CATSPER3: variants seen among roughly 807,000 people sequenced by gnomAD.
The protein encoded by CATSPER3 is cation channel sperm associated 3, also known as cation channel sperm-associated protein 3.
In CATSPER3, 23 loss-of-function variants were observed where a neutral mutation model predicts 36.6. That is an observed-to-expected ratio of 0.63 (90% CI 0.45 to 0.89). The LOEUF (loss-of-function observed/expected upper bound fraction) is 0.89, where lower values mean the gene tolerates loss of function less well. Ranked by LOEUF, CATSPER3 falls within the 40% of genes least tolerant of loss-of-function variation. CATSPER3 has a pLI of 0.00. For missense variants in CATSPER3, 474 were observed against 503.9 expected (o/e 0.94, Z 0.57); for synonymous variants, 172 against 184.1 (o/e 0.93, Z 0.53).
chr5:134,968,971 T>C (rs140625023), intron 1 of CATSPER3: 7 of 152,336 alleles, frequency 4.6e-5, no homozygotes, highest in African/African-American at 1.4e-4. Context: ...GAGAATTTTG[T>C]ATCTTTGGTT....
chr5:135,007,805 C>CACA, intron 3 of CATSPER3, 152 bp from the exon 4 acceptor site: 4 of 47,930 alleles, frequency 8.3e-5, no homozygotes, highest in Non-Finnish European at 1.2e-4. Flanking sequence ...AACCAACCAA[C>CACA]CCACCCACCC....
chr5:134,969,801 T>C lies in CATSPER3; in HGVS notation c.99-138T>C. 4 of 868,552 alleles carry C rather than the reference T, an allele frequency of 4.6e-6. No homozygotes were observed. The South Asian group carries it at 5.5e-5, about 12-fold the overall frequency. 53.8% of individuals were successfully genotyped at this position (868,552 alleles called of 1,614,324 possible). ...CAGTGGTCATTTATTCAACATCTCA[T>C]TGCTATTTAAAAGTATATGTAAATT... On this transcript the variant is annotated intron_variant, in intron 1 of 7. Transcript: ENST00000282611.
chr5:134,994,578 T>A (rs1751920917), intron 2 of CATSPER3, among the ~76,000 whole-genome samples: 1 of 152,222 alleles, frequency 6.6e-6, no homozygotes, highest in Non-Finnish European at 1.5e-5. Context: ...ACTTTAGACA[T>A]GTGTACAATA....
At chr5:135,004,683 A>T (rs554929533) in intron 3 of CATSPER3, among the ~76,000 whole-genome samples, 1 of 152,262 alleles carries the variant, frequency 6.6e-6, no homozygotes, top group Admixed American at 6.5e-5. Flanking sequence ...ATCTTCCATA[A>T]AGATGTGGAA....
intron 1 of CATSPER3, chr5:134,969,698 A>C: frequency 1.9e-6 from 1 of 528,312 alleles, no homozygotes; most frequent in East Asian, 3.4e-5. Flanking sequence ...AGTGGTGACC[A>C]TTCTTTTTCA....
rs139923612 is a variant in CATSPER3 at position 134,996,426 on chromosome 5, G to A, written c.406G>A (p.Gly136Ser). 89 of 1,614,078 alleles carry A rather than the reference G, an allele frequency of 5.5e-5. No homozygotes were observed. The highest frequency in any genetic ancestry group is 7.2e-5 in the Non-Finnish European group (85 of 1,180,024). Residue 136 changes from glycine (G) to serine (S), a missense_variant, in exon 3 of 8, where the codon GGC becomes AGC. By Grantham distance (56) the Gly-to-Ser change is moderately conservative. Coordinates refer to ENST00000282611, the MANE Select transcript of CATSPER3 (RefSeq NM_178019.3). ...FLPYALRQLM[G>S]KQFTYLYIAD... ...ACCCTATGCCCTCCGCCAGCTCATG[G>A]GCAAACAGTTCACTTACCTGTATAT...
chr5:134,972,832 A>C (rs1291121701), intron 2 of CATSPER3, among the ~76,000 whole-genome samples: 1 of 152,224 alleles, frequency 6.6e-6, no homozygotes, highest in African/African-American at 2.4e-5. Flanking sequence ...AACAATAAAC[A>C]CCAAAACATA....
chr5:135,002,802 G>A (rs949679061), intron 3 of CATSPER3, among the ~76,000 whole-genome samples: 1 of 152,084 alleles, frequency 6.6e-6, no homozygotes, highest in Non-Finnish European at 1.5e-5. Flanking sequence ...TTTCAGCTCC[G>A]TCAGGTCATT....
chr5:134,972,333 C>T (rs371526858), intron 2 of CATSPER3, among the ~76,000 whole-genome samples: 2 of 151,976 alleles, frequency 1.3e-5, no homozygotes, highest in Non-Finnish European at 2.9e-5. Flanking sequence ...ATACTTAACC[C>T]GTAGATAATG....
rs978186790 is a variant in CATSPER3 at position 134,984,194 on chromosome 5, C to T, written c.253-12079C>T. Among the ~76,000 whole-genome samples the T allele has an allele frequency of 2.0e-5, 3 of 152,184 alleles. No homozygotes were observed. The South Asian group carries it at 6.2e-4, about 32-fold the overall frequency. On this transcript the variant is annotated intron_variant, in intron 2 of 7. Transcript: ENST00000282611. ...AACCACAAAAATTCTAGAAGGCAAC[C>T]TGGGAAAAACTCTTCTGGACATTGG...
At chr5:134,986,305 C>T (rs908211144) in intron 2 of CATSPER3, among the ~76,000 whole-genome samples, 1 of 151,688 alleles carries the variant, frequency 6.6e-6, no homozygotes, top group Non-Finnish European at 1.5e-5. Context: ...CCACCACACC[C>T]AGCTAATTTT....
At chr5:135,003,960 C>G (rs963784686) in intron 3 of CATSPER3, among the ~76,000 whole-genome samples, 1 of 152,238 alleles carries the variant, frequency 6.6e-6, no homozygotes, top group East Asian at 1.9e-4. Flanking sequence ...ACCCACTGTC[C>G]TGCACCCGCT....
At position 135,009,298 on chromosome 5, in the gene CATSPER3, TG is replaced by T. The variant is rs1752146328; in HGVS notation, c.817-69del. 6 of 1,518,108 alleles carry T rather than the reference TG, an allele frequency of 4.0e-6. No homozygotes were observed. The East Asian group carries it at 9.0e-5, about 23-fold the overall frequency. 94.0% of individuals were successfully genotyped at this position (1,518,108 alleles called of 1,614,324 possible). A position where few individuals can be genotyped will look rare whatever the true frequency, so the allele number is the denominator to read the frequency against. On this transcript the variant is annotated intron_variant, in intron 5 of 7. Transcript: ENST00000282611. ...GAGGGCCTGAGCAGCGGTGCAAGAC[TG>T]GGGAAGAGGAAAGACTGGGTCTGGG... is the stretch of plus-strand genomic sequence containing the variant.
chr5:134,995,900 C>T (rs1580910737), intron 2 of CATSPER3: 2 of 325,324 alleles, frequency 6.1e-6, no homozygotes, highest in Non-Finnish European at 1.2e-5. Flanking sequence ...CTGAGTATTT[C>T]ATCTATATTC....
At chr5:134,990,328 G>A (rs553670997) in intron 2 of CATSPER3, among the ~76,000 whole-genome samples, 1 of 152,272 alleles carries the variant, frequency 6.6e-6, no homozygotes, top group Admixed American at 6.5e-5. Context: ...CTGGAAAGGC[G>A]GGACAGCTCA....
At chr5:135,009,106 G>T in intron 5 of CATSPER3, 125 bp downstream of exon 5, 1 of 1,326,172 alleles carries the variant, frequency 7.5e-7, no homozygotes, top group Non-Finnish European at 1.1e-6. Context: ...AGTAGAGGTG[G>T]CCAGATGGAC....
At chr5:134,974,958 G>A (rs527633636) in intron 2 of CATSPER3, among the ~76,000 whole-genome samples, 3 of 152,072 alleles carry the variant, frequency 2.0e-5, no homozygotes, top group Non-Finnish European at 4.4e-5. Flanking sequence ...CTGGTTTAGG[G>A]ACCTGGTTTG....
chr5:135,004,424 C>A (rs1752058880), intron 3 of CATSPER3, among the ~76,000 whole-genome samples: 1 of 152,144 alleles, frequency 6.6e-6, no homozygotes. Context: ...TGCAGTGTGT[C>A]CTAAGAGGAA....
At chr5:135,000,502 C>T (rs181013414) in intron 3 of CATSPER3, among the ~76,000 whole-genome samples, 2 of 152,318 alleles carry the variant, frequency 1.3e-5, no homozygotes, top group African/African-American at 2.4e-5. Context: ...ATGGTACCAG[C>T]TCCTCCTTGT....
Sources: allele counts gnomAD v4.1 joint callset (sites outside exome capture counted in the v4.1 genomes callset), GRCh38; gene constraint gnomAD v4.1.1; transcripts MANE v1.5; gene names NCBI Gene and HGNC (gene_info 2026-07-23, HGNC 2026-07-21).